The following ANK2 variants were observed in gnomAD, a reference collection of about 807,000 sequenced individuals.
ANK2 encodes the protein ankyrin 2.
A neutral mutation model predicts 360.5 loss-of-function variants in ANK2; 83 were observed. The observed-to-expected ratio is 0.23, with a 90% CI of 0.19 to 0.28. The LOEUF is 0.28. ANK2 is among the 10% of genes least tolerant of loss of function. The pLI is 1.00. For missense variants in ANK2, 4,201 were observed against 4,795.7 expected (o/e 0.88, Z 3.66); for synonymous variants, 1,740 against 1,759.5 (o/e 0.99, Z 0.28).
intron 1 of ANK2, among the ~76,000 whole-genome samples, chr4:113,143,246 C>T (rs1204575141): frequency 5.5e-5 from 2 of 36,314 alleles, no homozygotes; most frequent in East Asian, 1.7e-3. Flanking sequence ...ACTAATATCA[C>T]AGGTGTAATG....
intron 1 of ANK2, among the ~76,000 whole-genome samples, chr4:113,162,140 A>G (rs774119622): frequency 1.3e-5 from 2 of 152,208 alleles, no homozygotes; most frequent in Non-Finnish European, 2.9e-5. Flanking sequence ...CGCAAAAGCT[A>G]GAAGTCTCCA....
chr4:113,292,376 G>T (rs1353261593), intron 20 of ANK2, 40 bp from the exon 21 acceptor site: 1 of 1,549,752 alleles, frequency 6.5e-7, no homozygotes, highest in Non-Finnish European at 8.8e-7. Flanking sequence ...CTCTCCCTCT[G>T]CCAATCGGGT....
intron 41 of ANK2, among the ~76,000 whole-genome samples, chr4:113,366,220 A>G (rs2096528878): frequency 6.6e-6 from 1 of 152,036 alleles, no homozygotes; most frequent in Admixed American, 6.6e-5. Context: ...GAGCTCTATA[A>G]TTCACTCTAG....
intron 1 of ANK2, among the ~76,000 whole-genome samples, chr4:112,862,515 T>A (rs1037193607): frequency 6.6e-6 from 1 of 152,158 alleles, no homozygotes; most frequent in Non-Finnish European, 1.5e-5. Context: ...AGAGTTCTAG[T>A]TGTTTTTATG....
chr4:113,295,742 C>T (rs1284366503), intron 22 of ANK2, among the ~76,000 whole-genome samples: 1 of 152,184 alleles, frequency 6.6e-6, no homozygotes, highest in Non-Finnish European at 1.5e-5. Flanking sequence ...TCATTGTCCA[C>T]ATGAGCTAAA....
At chr4:113,296,772 G>A (rs2071742198) in intron 22 of ANK2, among the ~76,000 whole-genome samples, 1 of 152,086 alleles carries the variant, frequency 6.6e-6, no homozygotes, top group Non-Finnish European at 1.5e-5. Flanking sequence ...CACATTTCTG[G>A]TGACAGAAGC....
At chr4:113,278,030 T>A in intron 16 of ANK2, 95 bp downstream of exon 16, 3 of 1,182,134 alleles carry the variant, frequency 2.5e-6, no homozygotes, top group Non-Finnish European at 2.4e-6. Context: ...GAAAGGAATG[T>A]GAGAGCAACT....
chr4:113,209,180 CA>C (rs1562902760), intron 4 of ANK2, among the ~76,000 whole-genome samples: 3 of 151,834 alleles, frequency 2.0e-5, no homozygotes, highest in African/African-American at 7.3e-5. Context: ...CATGGCAAAA[CA>C]AGTTATGGGA....
At chr4:113,261,616 A>G (rs1439842640) in intron 13 of ANK2, among the ~76,000 whole-genome samples, 1 of 152,204 alleles carries the variant, frequency 6.6e-6, no homozygotes, top group Non-Finnish European at 1.5e-5. Flanking sequence ...TAATAAGGGC[A>G]ACTTACAGTA....
At chr4:113,083,645 T>G (rs2083324496) in intron 1 of ANK2, among the ~76,000 whole-genome samples, 1 of 152,158 alleles carries the variant, frequency 6.6e-6, no homozygotes, top group Admixed American at 6.6e-5. Context: ...TCTGAGCCAA[T>G]CAAAATCATG....
At chr4:113,226,510 TG>T (rs2153513617) in intron 4 of ANK2, among the ~76,000 whole-genome samples, 1 of 152,324 alleles carries the variant, frequency 6.6e-6, no homozygotes, top group South Asian at 2.1e-4. Context: ...AGTTGAATTA[TG>T]GGTCTTTCAT....
chr4:113,095,448 A>G (rs995871676), intron 1 of ANK2, among the ~76,000 whole-genome samples: 34 of 152,202 alleles, frequency 2.2e-4, no homozygotes, highest in African/African-American at 8.2e-4. Flanking sequence ...GAGTCATTTT[A>G]ATGATGAATT....
At chr4:113,009,646 C>T (rs2054057672) in intron 2 of ANK2, among the ~76,000 whole-genome samples, 1 of 152,018 alleles carries the variant, frequency 6.6e-6, no homozygotes, top group Non-Finnish European at 1.5e-5. Flanking sequence ...GTCAGAGGAC[C>T]CACAGGGCAT....
At chr4:113,380,904 T>C (rs1363722758) in intron 45 of ANK2, among the ~76,000 whole-genome samples, 1 of 152,216 alleles carries the variant, frequency 6.6e-6, no homozygotes, top group Non-Finnish European at 1.5e-5. Flanking sequence ...AGCCACCTTC[T>C]TATATATTGA....
chr4:112,776,251 T>C, the ANK2 span, among the ~76,000 whole-genome samples: 4 of 152,188 alleles, frequency 2.6e-5, no homozygotes, highest in African/African-American at 9.7e-5. Flanking sequence ...TTATTTAATA[T>C]AAGCTTTACA....
chr4:112,857,524 A>G (rs2066738122), intron 1 of ANK2, among the ~76,000 whole-genome samples: 1 of 152,172 alleles, frequency 6.6e-6, no homozygotes. Context: ...CTTGTATATC[A>G]TGTTTAAATT....
At chr4:112,775,917 C>T in the ANK2 span, among the ~76,000 whole-genome samples, 1 of 152,206 alleles carries the variant, frequency 6.6e-6, no homozygotes, top group East Asian at 1.9e-4. Flanking sequence ...CTTGTTAAAA[C>T]ATGTTGCAGC....
chr4:113,072,953 CTTTTTTTT>C lies in ANK2; in HGVS notation c.84+23160_84+23167del, dbSNP rs77468290. On this transcript the variant is annotated intron_variant, in intron 1 of 45. Coordinates refer to ENST00000357077, the MANE Select transcript of ANK2 (RefSeq NM_001148.6). ...CTCGACTCTGTCACAAGGACAGTGT[CTTTTTTTT>C]TTTTTTTTTTTTTTTTTTGAGGGGA... Among the ~76,000 whole-genome samples the C allele has an allele frequency of 6.1e-3, 365 of 59,382 alleles. 2 individuals carry two copies. Among genetic ancestry groups the C allele is most frequent in the African/African-American group, 0.026 (338 of 13,078 alleles). 39.0% of individuals were successfully genotyped at this position (59,382 alleles called of 152,430 possible). A position where few individuals can be genotyped will look rare whatever the true frequency, so the allele number is the denominator to read the frequency against.
chr4:112,990,982 T>A (rs966601736), intron 2 of ANK2, among the ~76,000 whole-genome samples: 2 of 152,200 alleles, frequency 1.3e-5, no homozygotes, highest in African/African-American at 4.8e-5. Flanking sequence ...CAAGGCTCAG[T>A]GGTTCATGCC....
Sources: allele counts gnomAD v4.1 joint callset (sites outside exome capture counted in the v4.1 genomes callset), GRCh38; gene constraint gnomAD v4.1.1; transcripts MANE v1.5; gene names NCBI Gene and HGNC (gene_info 2026-07-23, HGNC 2026-07-21).